Variants in SH3BP4 observed in about 807,000 individuals in gnomAD.
SH3BP4 encodes the protein SH3 domain binding protein 4, also known as SH3 domain-binding protein 4.
In SH3BP4, 33 loss-of-function variants were observed where a neutral mutation model predicts 65.5. The ratio of observed to expected loss-of-function variants is 0.50; its 90% CI spans 0.38 to 0.67. SH3BP4 has a LOEUF of 0.67. Among genes scored for constraint, SH3BP4 ranks in the 30% least tolerant of loss-of-function variants. The probability of loss-of-function intolerance (pLI) is 0.00; values close to 1 mark genes in which losing one functional copy is unlikely to be tolerated. For synonymous variants in SH3BP4, 552 were observed against 545.5 expected (o/e 1.01, Z -0.17); for missense variants, 1,134 against 1,261.4 (o/e 0.90, Z 1.53).
At chr2:235,012,742 A>G (rs62186380) in intron 2 of SH3BP4, among the ~76,000 whole-genome samples, 3,960 of 152,304 alleles carry the variant, frequency 0.026, 60 homozygotes, top group Middle Eastern at 0.044. Context: ...CTCGGAGTGC[A>G]TTACGCACTT....
chr2:235,003,097 T>C (rs1005779771), intron 2 of SH3BP4, among the ~76,000 whole-genome samples: 3 of 152,264 alleles, frequency 2.0e-5, no homozygotes, highest in African/African-American at 7.2e-5. Context: ...ATGCTACGTT[T>C]CTTTAGAAAA....
chr2:234,980,161 T>C (rs960962607), intron 1 of SH3BP4, among the ~76,000 whole-genome samples: 1 of 152,204 alleles, frequency 6.6e-6, no homozygotes, highest in Admixed American at 6.5e-5. Flanking sequence ...CCCCTGTAAG[T>C]AGTCCCCCCC....
At chr2:234,994,929 A>G (rs4663534) in intron 1 of SH3BP4, 73,144 of 152,226 alleles carry the variant, frequency 0.48, 20,089 homozygotes, top group East Asian at 0.76. Flanking sequence ...GGCCTGGGCC[A>G]GACTGCCGAG....
At position 235,042,073 on chromosome 2, in the gene SH3BP4, G is replaced by A. The variant is rs201892533; in HGVS notation, c.1304G>A (p.Gly435Glu). The A allele has an allele frequency of 1.9e-6, 3 of 1,614,028 alleles. No homozygotes were observed. The highest frequency in any genetic ancestry group is 4.5e-5 in the East Asian group (2 of 44,878). The change falls in exon 4 of 6, where the codon GGG becomes GAG. Residue 435 changes from glycine (G) to glutamate (E), a missense_variant. Coordinates refer to ENST00000392011, the MANE Select transcript of SH3BP4 (RefSeq NM_014521.3). The surrounding 1 kb of genome is among the most constrained non-coding windows in gnomAD (Gnocchi z 7.3). ...TCCGTCCCGCTCAACTGCAGCTGTG[G>A]GGACACGGTCCAGGCACAGCTGCAC... ...YVSVPLNCSC[G>E]DTVQAQLHNL...
chr2:234,962,457 T>A (rs889727079), intron 1 of SH3BP4, among the ~76,000 whole-genome samples: 30 of 151,864 alleles, frequency 2.0e-4, no homozygotes, highest in Admixed American at 3.9e-4. Flanking sequence ...CCAAAAAAAA[T>A]AATAATAAAA....
At chr2:234,963,722 G>T (rs1292211995) in intron 1 of SH3BP4, among the ~76,000 whole-genome samples, 1 of 152,194 alleles carries the variant, frequency 6.6e-6, no homozygotes, top group African/African-American at 2.4e-5. Context: ...ATGAGTGATG[G>T]TTTTCATGCA....
At chr2:234,959,287 G>A (rs757004879) in intron 1 of SH3BP4, among the ~76,000 whole-genome samples, 23 of 152,164 alleles carry the variant, frequency 1.5e-4, no homozygotes, top group Non-Finnish European at 2.6e-4. Flanking sequence ...GCAGGGCGCT[G>A]CTTGGGGGCA....
intron 1 of SH3BP4, among the ~76,000 whole-genome samples, chr2:234,962,787 G>GTAA (rs1692745006): frequency 6.6e-6 from 1 of 151,712 alleles, no homozygotes; most frequent in East Asian, 1.9e-4. Flanking sequence ...GTGCAGTGAT[G>GTAA]TAATCTCAGT....
At chr2:235,043,756 C>G (rs936775881) in intron 4 of SH3BP4, among the ~76,000 whole-genome samples, 5 of 150,872 alleles carry the variant, frequency 3.3e-5, no homozygotes, top group Non-Finnish European at 7.4e-5. Flanking sequence ...TATGCGTGGG[C>G]GTGGGCCGTG....
At chr2:234,988,320 A>G (rs959420225) in intron 1 of SH3BP4, among the ~76,000 whole-genome samples, 1 of 152,022 alleles carries the variant, frequency 6.6e-6, no homozygotes, top group Non-Finnish European at 1.5e-5. Flanking sequence ...TGGCCTCCCA[A>G]AGTGCTGGGA....
chr2:234,956,967 G>T (rs577794033), intron 1 of SH3BP4, among the ~76,000 whole-genome samples: 9 of 152,278 alleles, frequency 5.9e-5, no homozygotes, highest in African/African-American at 1.7e-4. Context: ...AGAAAGCAGA[G>T]CTTCGATTGC....
At chr2:234,961,179 C>T (rs993086888) in intron 1 of SH3BP4, among the ~76,000 whole-genome samples, 1 of 152,190 alleles carries the variant, frequency 6.6e-6, no homozygotes, top group Non-Finnish European at 1.5e-5. Flanking sequence ...GTACTTCGCT[C>T]CTGGAGTTGG....
At position 235,052,004 on chromosome 2, in the gene SH3BP4, C is replaced by T. The variant is rs1037094599; in HGVS notation, c.2479-558C>T. 4.6e-5 allele frequency among the ~76,000 whole-genome samples: 7 copies of T among 152,298 alleles called. No individual in the cohort carries two copies. Among genetic ancestry groups the T allele is most frequent in the African/African-American group, 1.7e-4 (7 of 41,568 alleles). ...GGACATCAAACAACAGACACCTGTC[C>T]TGTCACCATTCAGGAGGCCACAGGT... On this transcript the variant is annotated intron_variant, in intron 4 of 5. Coordinates refer to ENST00000392011, the MANE Select transcript of SH3BP4 (RefSeq NM_014521.3). The surrounding 1 kb of genome is among the most constrained non-coding windows in gnomAD (Gnocchi z 5.0).
chr2:235,005,908 C>G (rs1694278059), intron 2 of SH3BP4, among the ~76,000 whole-genome samples: 1 of 152,236 alleles, frequency 6.6e-6, no homozygotes, highest in African/African-American at 2.4e-5. Flanking sequence ...CAGCCAAGCA[C>G]TCTTAGCTCC....
chr2:235,004,457 A>G (rs1249380554), intron 2 of SH3BP4, among the ~76,000 whole-genome samples: 1 of 152,222 alleles, frequency 6.6e-6, no homozygotes, highest in Non-Finnish European at 1.5e-5. Context: ...AAAGTTGTGC[A>G]ACCACCACCT....
chr2:235,004,132 T>G (rs1694216940), intron 2 of SH3BP4, among the ~76,000 whole-genome samples: 1 of 152,212 alleles, frequency 6.6e-6, no homozygotes, highest in African/African-American at 2.4e-5. Flanking sequence ...GGTTTTCTTT[T>G]TCTATGCTTT....
At chr2:235,017,045 CTTTTTTTTTTTTTT>C (rs995197698) in intron 2 of SH3BP4, among the ~76,000 whole-genome samples, 1 of 88,440 alleles carries the variant, frequency 1.1e-5, no homozygotes, top group Non-Finnish European at 2.2e-5. Context: ...GTTTGCCTTT[CTTTTTTTTTTTTTT>C]TTTTTTTTTT....
chr2:235,044,922 AG>A (rs1695795863), intron 4 of SH3BP4, among the ~76,000 whole-genome samples: 1 of 152,298 alleles, frequency 6.6e-6, no homozygotes, highest in African/African-American at 2.4e-5. Flanking sequence ...AGCGGCCGTC[AG>A]GGGGGCCACC....
intron 3 of SH3BP4, among the ~76,000 whole-genome samples, chr2:235,037,341 C>T (rs1360513503): frequency 6.6e-6 from 1 of 152,110 alleles, no homozygotes; most frequent in African/African-American, 2.4e-5. Context: ...GGGAATCACA[C>T]AACAGTCCAC....
Sources: allele counts gnomAD v4.1 joint callset (sites outside exome capture counted in the v4.1 genomes callset), GRCh38; gene constraint gnomAD v4.1.1; non-coding constraint Gnocchi (gnomAD v3.1); transcripts MANE v1.5; gene names NCBI Gene and HGNC (gene_info 2026-07-23, HGNC 2026-07-21).